The following MYH6 variants were observed in gnomAD, a reference collection of about 807,000 sequenced individuals.
The protein encoded by MYH6 is myosin-6.
A neutral mutation model predicts 223.2 loss-of-function variants in MYH6; 126 were observed. That is an observed-to-expected ratio of 0.56 (90% CI 0.49 to 0.65). The LOEUF is 0.65. Ranked by LOEUF, MYH6 falls within the 30% of genes least tolerant of loss-of-function variation. MYH6 has a pLI of 0.00. For missense variants in MYH6, 2,040 were observed against 2,536.4 expected (o/e 0.80, Z 4.20); for synonymous variants, 978 against 1,010.2 (o/e 0.97, Z 0.61).
chr14:23,388,206 G>A lies in MYH6; in HGVS notation c.4308C>T (p.Arg1436=), dbSNP rs771721381. 1 of 1,612,298 alleles carries A rather than the reference G, an allele frequency of 6.2e-7. No individual in the cohort carries two copies. Among genetic ancestry groups the A allele is most frequent in the Non-Finnish European group, 8.5e-7 (1 of 1,180,054 alleles). Reference sequence around the variant, plus strand: ...CCAGGGCTGCAGCAGCAGCATTGGAGCGCTCTACGTCCACCATCAAGTCCT... The same window carrying A: ...CCAGGGCTGCAGCAGCAGCATTGGAACGCTCTACGTCCACCATCAAGTCCT... ...EIEDLMVDVE[R]SNAAAAALDK... Residue 1436 remains arginine, a synonymous_variant, in exon 30 of 39, where the codon CGC becomes CGT. Transcript: ENST00000405093.
intron 1 of MYH6, 99 bp downstream of exon 1, chr14:23,408,154 C>G: frequency 1.2e-6 from 1 of 862,332 alleles, no homozygotes; most frequent in Non-Finnish European, 1.4e-6. Context: ...GCCCTTAGGC[C>G]TCCAACTGAC....
Position 23,398,917 on chromosome 14 carries a change from G to T in MYH6, c.1702C>A (p.Arg568Ser), listed in dbSNP as rs149650190. 2.5e-6 allele frequency: 4 copies of T among 1,614,036 alleles called. No homozygotes were observed. The South Asian group carries it at 4.4e-5, about 18-fold the overall frequency. Residue 568 changes from arginine (R) to serine (S), a missense_variant, in exon 15 of 39, where the codon CGC becomes AGC. By Grantham distance (110) the Arg-to-Ser change is moderately radical (BLOSUM62 -1). Coordinates refer to ENST00000405093, the MANE Select transcript of MYH6 (RefSeq NM_002471.4). ...LGKSNNFQKP[R>S]NIKGKQEAHF... The stretch of plus-strand genomic sequence containing the variant: ...GCTTCCTGCTTCCCCTTGATGTTGC[G>T]TGGCTTCTGGAAATTGTTGGACTTG...
At chr14:23,406,394 T>C (rs1891788588) in intron 3 of MYH6, among the ~76,000 whole-genome samples, 1 of 152,164 alleles carries the variant, frequency 6.6e-6, no homozygotes, top group Non-Finnish European at 1.5e-5. Flanking sequence ...GTGGCAGAGC[T>C]GGGATCAGAG....
chr14:23,393,296 T>C, intron 23 of MYH6, 46 bp downstream of exon 23: 2 of 1,612,760 alleles, frequency 1.2e-6, no homozygotes, highest in Non-Finnish European at 1.7e-6. Context: ...TGGTGTTGCC[T>C]GCAAAATCTT....
rs1171638340 is a variant in MYH6 at position 23,405,057 on chromosome 14, C to A, written c.530+43G>T. On this transcript the variant is annotated intron_variant, in intron 6 of 38. Transcript: ENST00000405093. This position sits in a 1 kb window ranked among gnomAD's most constrained non-coding sequence, Gnocchi z 4.7. ...TACACCCTAGGCATCAGCGTGTATG[C>A]CCCCAGCCCAGTCCCTTCTGTGGGA... 2 of 1,613,912 alleles carry A rather than the reference C, an allele frequency of 1.2e-6. No homozygotes were observed. Among genetic ancestry groups the A allele is most frequent in the Admixed American group, 1.7e-5 (1 of 60,022 alleles).
chr14:23,402,798 T>C lies in MYH6; in HGVS notation c.901A>G (p.Met301Val). ...LSNKKPELLD[M>V]LLVTNNPYDY... ...TAGGGATTGTTGGTGACCAGCAGCATGTCTGCACCAGGCAAGGGGTGAGGC... is the reference window on the plus strand; with the variant it reads ...TAGGGATTGTTGGTGACCAGCAGCACGTCTGCACCAGGCAAGGGGTGAGGC... Residue 301 changes from methionine to valine, a missense_variant and splice_region_variant, in exon 11 of 39, where the codon ATG (methionine) becomes GTG (valine). Physicochemically the swap from Met to Val is conservative, Grantham distance 21. Around this residue, in one of 4 missense-constraint regions of MYH6, gnomAD observed 649 missense variants for 877.3 expected, o/e 0.74. Coordinates refer to ENST00000405093, the MANE Select transcript of MYH6 (RefSeq NM_002471.4). 6.2e-7 allele frequency: 1 copy of C among 1,608,786 alleles called. No homozygotes were observed. The highest frequency in any genetic ancestry group is 8.5e-7 in the Non-Finnish European group (1 of 1,178,616).
chr14:23,388,108 T>C, intron 30 of MYH6, 47 bp downstream of exon 30: 1 of 1,612,032 alleles, frequency 6.2e-7, no homozygotes, highest in Non-Finnish European at 8.5e-7. Context: ...GAACCCCTCA[T>C]GCCCCCTTGC....
In MYH6 at chr14:23,390,376, C is replaced by T. The variant is rs745801044; in HGVS notation, c.3413G>A (p.Arg1138His). ...RTARAKVEKL[R>H]SDLSRELEEI... ...CTCCAGCTCCCGAGACAGGTCTGAGCGCAGCTTCTCCACCTTAGCCCTGGC... is the reference window on the plus strand; with the variant it reads ...CTCCAGCTCCCGAGACAGGTCTGAGTGCAGCTTCTCCACCTTAGCCCTGGC... The change falls in exon 26 of 39, where the codon CGC (arginine) becomes CAC (histidine). Residue 1138 changes from arginine (R) to histidine (H), a missense_variant. By Grantham distance (29) the Arg-to-His change is conservative (BLOSUM62 0). Transcript: ENST00000405093. 84 of 1,605,498 alleles carry T rather than the reference C, an allele frequency of 5.2e-5. No individual in the cohort carries two copies. Among genetic ancestry groups the T allele is most frequent in the East Asian group, 2.0e-4 (9 of 44,376 alleles).
At position 23,405,504 on chromosome 14, in the gene MYH6, G is replaced by A; in HGVS notation, c.345+123C>T. 3 of 1,595,710 alleles carry A rather than the reference G, an allele frequency of 1.9e-6. No homozygotes were observed. The highest frequency in any genetic ancestry group is 2.6e-6 in the Non-Finnish European group (3 of 1,167,100). ...ACTCCTCCTGCAGCTGACTAGGGGTGGAGGGGGGAAGGGGACTTGGGTCCC... is the reference window on the plus strand; with the variant it reads ...ACTCCTCCTGCAGCTGACTAGGGGTAGAGGGGGGAAGGGGACTTGGGTCCC... On this transcript the variant is annotated intron_variant, in intron 4 of 38. Coordinates refer to ENST00000405093, the MANE Select transcript of MYH6 (RefSeq NM_002471.4). The surrounding 1 kb of genome is among the most constrained non-coding windows in gnomAD (Gnocchi z 4.7).
Position 23,392,978 on chromosome 14 carries a change from T to G in MYH6, c.3185A>C (p.Lys1062Thr). The change falls in exon 24 of 39, where the codon AAG becomes ACG. Residue 1062 changes from lysine to threonine, a missense_variant. Transcript: ENST00000405093. ...RAKRKLEGDL[K>T]LTQESIMDLE... ...GTCCATGATGCTCTCCTGGGTCAGC[T>G]TCAGGTCGCCCTCCAGTTTCCGCTT... is the stretch of plus-strand genomic sequence containing the variant. 1 of 1,614,226 alleles carries G rather than the reference T, an allele frequency of 6.2e-7. No homozygotes were observed. Among genetic ancestry groups the G allele is most frequent in the South Asian group, 1.1e-5 (1 of 91,084 alleles).
rs754739393 is a variant in MYH6, at chr14:23,382,559, C to T, written c.5665G>A (p.Glu1889Lys). The stretch of plus-strand genomic sequence containing the variant: ...TTGGACAGGTTGGTGTTGGCTTGCT[C>T]CTCCTGTGGTGGGACAGTGGGGATG... ...AYKRQAEEAEEQANTNLSKFR... is the reference protein window; with the variant it reads ...AYKRQAEEAEKQANTNLSKFR... Residue 1889 changes from glutamate (E) to lysine (K), a missense_variant, in exon 38 of 39, where the codon GAG (glutamate) becomes AAG (lysine). Around this residue, in one of 4 missense-constraint regions of MYH6, gnomAD observed 1,203 missense variants for 1,400.2 expected, o/e 0.86. Coordinates refer to ENST00000405093, the MANE Select transcript of MYH6 (RefSeq NM_002471.4). The T allele has an allele frequency of 1.2e-6, 2 of 1,614,140 alleles. No individual in the cohort carries two copies. Among genetic ancestry groups the T allele is most frequent in the East Asian group, 4.5e-5 (2 of 44,890 alleles).
In MYH6 at chr14:23,400,760, T is replaced by A; in HGVS notation, c.1359A>T (p.Pro453=). The A allele has an allele frequency of 6.2e-7, 1 of 1,614,242 alleles. No homozygotes were observed. The highest frequency in any genetic ancestry group is 8.5e-7 in the Non-Finnish European group (1 of 1,180,046). Residue 453 remains proline, a synonymous_variant, in exon 13 of 39, where the codon CCA becomes CCT. Transcript: ENST00000405093. ...RINATLETKQ[P]RQYFIGVLDI... is the part of the protein sequence containing the mutation. Reference sequence around the variant, plus strand: ...CCAGGACTCCTATGAAGTACTGGCGTGGCTGCTTGGTCTCCAGGGTGGCGT... The same window carrying A: ...CCAGGACTCCTATGAAGTACTGGCGAGGCTGCTTGGTCTCCAGGGTGGCGT...
intron 6 of MYH6, 71 bp from the exon 7 acceptor site, chr14:23,404,893 C>T: frequency 2.6e-6 from 4 of 1,527,958 alleles, no homozygotes; most frequent in South Asian, 2.2e-5. Flanking sequence ...GCATCACATG[C>T]TCCCCTTCCC....
Position 23,407,664 on chromosome 14 carries a change from C to G in MYH6, c.-46-56G>C, listed in dbSNP as rs1173417398. On this transcript the variant is annotated intron_variant, in intron 1 of 38. Coordinates refer to ENST00000405093, the MANE Select transcript of MYH6 (RefSeq NM_002471.4). The surrounding 1 kb of genome is among the most constrained non-coding windows in gnomAD (Gnocchi z 5.6). ...AGGTAGAGCCGGGCAGAGAGAAGAACAGATGAGGAGAGTGAAGAACAACAG... is the reference window on the plus strand; with the variant it reads ...AGGTAGAGCCGGGCAGAGAGAAGAAGAGATGAGGAGAGTGAAGAACAACAG... 24 of 1,097,300 alleles carry G rather than the reference C, an allele frequency of 2.2e-5. No homozygotes were observed. The highest frequency in any genetic ancestry group is 4.9e-5 in the African/African-American group (3 of 60,982). 68.0% of individuals were successfully genotyped at this position (1,097,300 alleles called of 1,614,324 possible). A position where few individuals can be genotyped will look rare whatever the true frequency, so the allele number is the denominator to read the frequency against.
chr14:23,388,491 C>T, intron 29 of MYH6, 153 bp from the exon 30 acceptor site: 1 of 1,292,140 alleles, frequency 7.7e-7, no homozygotes. Context: ...GGAACAGAGT[C>T]CGCCAGCACG....
chr14:23,386,312 T>C lies in MYH6; in HGVS notation c.4959+3A>G. On this transcript the variant is annotated splice_donor_region_variant and intron_variant, in intron 33 of 38. Coordinates refer to ENST00000405093, the MANE Select transcript of MYH6 (RefSeq NM_002471.4). ...CCTGAGGGGACCTCCCGCCCCCATG[T>C]ACCTTCAGCAAGCTCTGGAGGCTCT... 1.2e-6 allele frequency: 2 copies of C among 1,614,124 alleles called. No homozygotes were observed. Among genetic ancestry groups the C allele is most frequent in the Non-Finnish European group, 1.7e-6 (2 of 1,180,020 alleles).
chr14:23,402,332 C>A, intron 12 of MYH6, 132 bp downstream of exon 12: 1 of 1,399,064 alleles, frequency 7.1e-7, no homozygotes, highest in Non-Finnish European at 9.8e-7. Context: ...ACGTCTCCCA[C>A]GTCCCTGTCC....
At chr14:23,397,423 G>C in intron 16 of MYH6, 120 bp downstream of exon 16, 2 of 1,345,218 alleles carry the variant, frequency 1.5e-6, no homozygotes, top group Non-Finnish European at 2.1e-6. Context: ...ACTAAAAAAC[G>C]ACTACGTAGC....
At position 23,402,534 on chromosome 14, in the gene MYH6, G is replaced by T; in HGVS notation, c.1071C>A (p.Ile357=). Residue 357 remains isoleucine, a synonymous_variant, in exon 12 of 39, where the codon ATC becomes ATA. Coordinates refer to ENST00000405093, the MANE Select transcript of MYH6 (RefSeq NM_002471.4). The part of the protein sequence containing the change: ...KAGVYKLTGA[I]MHYGNMKFKQ... ...TGAACTTCATGTTCCCGTAGTGCAT[G>T]ATGGCTCCCGTCAGCTTGTAGACGC... 1 of 1,613,782 alleles carries T rather than the reference G, an allele frequency of 6.2e-7. No individual in the cohort carries two copies. Among genetic ancestry groups the T allele is most frequent in the Non-Finnish European group, 8.5e-7 (1 of 1,179,958 alleles).
Sources: allele counts gnomAD v4.1 joint callset (sites outside exome capture counted in the v4.1 genomes callset), GRCh38; gene constraint gnomAD v4.1.1; regional missense constraint gnomAD v4.1.1; non-coding constraint Gnocchi (gnomAD v3.1); transcripts MANE v1.5; gene names NCBI Gene and HGNC (gene_info 2026-07-23, HGNC 2026-07-21).